Variants in DCLK2 observed in about 807,000 individuals in gnomAD.
DCLK2 encodes the protein serine/threonine-protein kinase DCLK2.
Under a neutral mutation model 78.4 loss-of-function variants are expected in DCLK2, and 31 were observed. That is an observed-to-expected ratio of 0.40 (90% confidence interval 0.30 to 0.53). The LOEUF is 0.53. Among genes scored for constraint, DCLK2 ranks in the 20% least tolerant of loss-of-function variants. DCLK2 has a pLI of 0.61. For missense variants in DCLK2, 872 were observed against 973.7 expected (o/e 0.90, Z 1.39); for synonymous variants, 407 against 374.9 (o/e 1.09, Z -0.99).
rs533768786 is a variant in DCLK2, at chr4:150,106,204, CCATGTTGTA to C, written c.756+3394_756+3402del. On this transcript the variant is annotated intron_variant, in intron 2 of 15. Coordinates refer to ENST00000296550, the MANE Select transcript of DCLK2 (RefSeq NM_001040260.4). ...AGCTATAGTTTTCTTAGTGCTGAGT[CCATGTTGTA>C]CTATATAGGTGAACTCGCTAATCTT... 9.4e-4 allele frequency among the ~76,000 whole-genome samples: 143 copies of C among 151,794 alleles called. 1 individual carries two copies. Among genetic ancestry groups the C allele is most frequent in the African/African-American group, 3.3e-3 (135 of 41,148 alleles).
At chr4:150,215,635 T>C (rs999851043) in intron 5 of DCLK2, among the ~76,000 whole-genome samples, 2 of 152,230 alleles carry the variant, frequency 1.3e-5, no homozygotes, top group African/African-American at 4.8e-5. Context: ...AACGTCCACA[T>C]ACTCAGCTAT....
intron 1 of DCLK2, among the ~76,000 whole-genome samples, chr4:150,097,096 C>G (rs370593779): frequency 6.6e-6 from 1 of 150,440 alleles, no homozygotes. Flanking sequence ...AAAGGACGTG[C>G]GAAAAATGGG....
intron 2 of DCLK2, among the ~76,000 whole-genome samples, chr4:150,188,125 AG>A (rs1738094416): frequency 6.6e-6 from 1 of 152,136 alleles, no homozygotes; most frequent in Non-Finnish European, 1.5e-5. Context: ...TTCACTTTAT[AG>A]CTGTCATTTC....
At position 150,232,224 on chromosome 4, in the gene DCLK2, T is replaced by C. The variant is rs998534112; in HGVS notation, c.1300-113T>C. On this transcript the variant is annotated intron_variant, in intron 8 of 15. Transcript: ENST00000296550. ...TTAGTTGTCTTTGTGCCAAGAGCAA[T>C]GCTTTCTTTGGCATCAGATCCACAG... The C allele has an allele frequency of 3.8e-6, 5 of 1,328,682 alleles. No individual in the cohort carries two copies. The African/African-American group carries it at 7.3e-5, about 19-fold the overall frequency. 82.3% of individuals were successfully genotyped at this position (1,328,682 alleles called of 1,614,324 possible).
intron 1 of DCLK2, among the ~76,000 whole-genome samples, chr4:150,080,111 G>GGCCCC (rs1729138253): frequency 7.7e-6 from 1 of 129,622 alleles, no homozygotes; most frequent in Non-Finnish European, 1.8e-5. Context: ...AGTCTCAAAA[G>GGCCCC]CCCCCCCCCC....
In DCLK2 at chr4:150,078,982, A is replaced by T. The variant is rs1729021745; in HGVS notation, c.-46A>T. 7 of 1,496,710 alleles carry T rather than the reference A, an allele frequency of 4.7e-6. No homozygotes were observed. Among genetic ancestry groups the T allele is most frequent in the Non-Finnish European group, 6.2e-6 (7 of 1,125,962 alleles). 92.7% of individuals were successfully genotyped at this position (1,496,710 alleles called of 1,614,324 possible). A position where few individuals can be genotyped will look rare whatever the true frequency, so the allele number is the denominator to read the frequency against. ...TCCCTGCACCGGCGCTCGCACCCTT[A>T]GTCGGCCCGGAACGTCTTTTTGCGG... is the stretch of plus-strand genomic sequence containing the variant. On this transcript the variant is annotated 5_prime_UTR_variant, in exon 1 of 16. Transcript: ENST00000296550.
intron 2 of DCLK2, among the ~76,000 whole-genome samples, chr4:150,106,793 T>C (rs1312556983): frequency 3.9e-5 from 6 of 152,200 alleles, no homozygotes; most frequent in Non-Finnish European, 5.9e-5. Flanking sequence ...CCTTGAATCT[T>C]TTCTTCCTTC....
intron 2 of DCLK2, among the ~76,000 whole-genome samples, chr4:150,167,950 C>G (rs2150253803): frequency 6.6e-6 from 1 of 152,276 alleles, no homozygotes; most frequent in Admixed American, 6.5e-5. Flanking sequence ...GCAGGCCCTC[C>G]CAAGTGCTGA....
At position 150,130,359 on chromosome 4, in the gene DCLK2, C is replaced by A. The variant is rs141556851; in HGVS notation, c.756+27547C>A. Reference sequence around the variant, plus strand: ...TGAGCCAGAAGAGTTGGGAAGTGTTCGTGAAGAAATAGAATGCAAACAGGG... The same window carrying A: ...TGAGCCAGAAGAGTTGGGAAGTGTTAGTGAAGAAATAGAATGCAAACAGGG... On this transcript the variant is annotated intron_variant, in intron 2 of 15. Coordinates refer to ENST00000296550, the MANE Select transcript of DCLK2 (RefSeq NM_001040260.4). Among the ~76,000 whole-genome samples the A allele has an allele frequency of 2.2e-4, 33 of 152,012 alleles. 1 individual carries two copies. Among genetic ancestry groups the A allele is most frequent in the African/African-American group, 7.2e-4 (30 of 41,422 alleles).
In DCLK2 at chr4:150,203,866, C is replaced by T; in HGVS notation, c.1033C>T (p.Pro345Ser). 6.2e-7 allele frequency: 1 copy of T among 1,613,600 alleles called. No individual in the cohort carries two copies. Among genetic ancestry groups the T allele is most frequent in the Non-Finnish European group, 8.5e-7 (1 of 1,179,708 alleles). Residue 345 changes from proline to serine, a missense_variant, in exon 5 of 16, where the codon CCA becomes TCA. By Grantham distance (74) the Pro-to-Ser change is moderately conservative (BLOSUM62 -1). Coordinates refer to ENST00000296550, the MANE Select transcript of DCLK2 (RefSeq NM_001040260.4). ...TKSSSSSPTS[P>S]GSFRGLKQIS... ...ATCCTCCAGTTCCTCTCCAACTAGT[C>T]CAGGAAGTTTCAGAGGATTAAAGGT...
chr4:150,189,621 C>T (rs1738240632), intron 2 of DCLK2, among the ~76,000 whole-genome samples: 1 of 152,074 alleles, frequency 6.6e-6, no homozygotes, highest in African/African-American at 2.4e-5. Flanking sequence ...ATACATGCCG[C>T]CATATAGACA....
chr4:150,219,624 C>G (rs1420550153), intron 5 of DCLK2, among the ~76,000 whole-genome samples: 1 of 152,174 alleles, frequency 6.6e-6, no homozygotes, highest in Non-Finnish European at 1.5e-5. Flanking sequence ...CACTGATAAA[C>G]TAATATTGAG....
At position 150,221,753 on chromosome 4, in the gene DCLK2, C is replaced by G. The variant is rs774366531; in HGVS notation, c.1209C>G (p.Gly403=). 1 of 1,605,854 alleles carries G rather than the reference C, an allele frequency of 6.2e-7. No homozygotes were observed. Among genetic ancestry groups the G allele is most frequent in the Non-Finnish European group, 8.5e-7 (1 of 1,176,784 alleles). Residue 403 remains glycine, a synonymous_variant, in exon 7 of 16, where the codon GGC becomes GGG. Coordinates refer to ENST00000296550, the MANE Select transcript of DCLK2 (RefSeq NM_001040260.4). ...KYKIGKVIGD[G]NFAVVKECID... is the part of the protein sequence containing the mutation. ...AAATTGGAAAGGTCATTGGTGATGG[C>G]AATTTTGCAGTAGTCAAAGAGTGTA...
intron 5 of DCLK2, among the ~76,000 whole-genome samples, chr4:150,219,202 T>A (rs1158368421): frequency 6.6e-6 from 1 of 152,016 alleles, no homozygotes; most frequent in Admixed American, 6.6e-5. Context: ...AGACCCTGTC[T>A]TTTATTTAGC....
chr4:150,192,136 T>C (rs1240509438), intron 2 of DCLK2, among the ~76,000 whole-genome samples: 1 of 152,182 alleles, frequency 6.6e-6, no homozygotes, highest in Non-Finnish European at 1.5e-5. Context: ...ATCCAGGTTC[T>C]GTGGAACTGA....
At chr4:150,102,437 T>G in intron 1 of DCLK2, 41 bp from the exon 2 acceptor site, 2 of 1,578,992 alleles carry the variant, frequency 1.3e-6, no homozygotes, top group Non-Finnish European at 1.7e-6. Flanking sequence ...GCTTCTATGA[T>G]AGAGATAATC....
chr4:150,088,535 C>G (rs1488123633), intron 1 of DCLK2, among the ~76,000 whole-genome samples: 1 of 151,922 alleles, frequency 6.6e-6, no homozygotes, highest in African/African-American at 2.4e-5. Context: ...GCCTCCTGGC[C>G]TCTAGCAGTC....
At chr4:150,106,550 G>A (rs1354122793) in intron 2 of DCLK2, among the ~76,000 whole-genome samples, 1 of 152,110 alleles carries the variant, frequency 6.6e-6, no homozygotes, top group Admixed American at 6.5e-5. Context: ...ATTTTTTCCT[G>A]GTTGCTTCCT....
At chr4:150,147,088 A>G (rs1013728561) in intron 2 of DCLK2, among the ~76,000 whole-genome samples, 1 of 152,098 alleles carries the variant, frequency 6.6e-6, no homozygotes, top group Admixed American at 6.6e-5. Context: ...GTTCCAGACC[A>G]GTCTGGGCAA....
Sources: allele counts gnomAD v4.1 joint callset (sites outside exome capture counted in the v4.1 genomes callset), GRCh38; gene constraint gnomAD v4.1.1; transcripts MANE v1.5; gene names NCBI Gene and HGNC (gene_info 2026-07-23, HGNC 2026-07-21).